Variants in SLC16A7 observed in about 807,000 individuals in gnomAD.
SLC16A7 encodes the protein solute carrier family 16 member 7.
A neutral mutation model predicts 34.9 loss-of-function variants in SLC16A7; 33 were observed. That is an observed-to-expected ratio of 0.94 (90% confidence interval 0.72 to 1.26). SLC16A7 has a LOEUF of 1.26. Ranked by LOEUF, SLC16A7 falls within the 50% of genes most tolerant of loss-of-function variation. SLC16A7 has a pLI of 0.00. For synonymous variants in SLC16A7, 201 were observed against 206.6 expected (o/e 0.97, Z 0.23); for missense variants, 573 against 578.1 (o/e 0.99, Z 0.09).
In SLC16A7 at chr12:59,785,040, C is replaced by T. The variant is rs1396188256; in HGVS notation, c.*5361C>T. Reference sequence around the variant, plus strand: ...TTAATATTACAAACTTGACTTTACTCATCTCTCTTTAAGATTTTGATTTCT... The same window carrying T: ...TTAATATTACAAACTTGACTTTACTTATCTCTCTTTAAGATTTTGATTTCT... On this transcript the variant is annotated 3_prime_UTR_variant, in exon 6 of 6. Coordinates refer to ENST00000547379, the MANE Select transcript of SLC16A7 (RefSeq NM_001270623.2). 1 of 152,168 alleles carries T rather than the reference C, an allele frequency of 6.6e-6. No homozygotes were observed. Among genetic ancestry groups the T allele is most frequent in the Non-Finnish European group, 1.5e-5 (1 of 68,028 alleles). 9.4% of individuals were successfully genotyped at this position (152,168 alleles called of 1,614,324 possible).
intron 1 of SLC16A7, among the ~76,000 whole-genome samples, chr12:59,643,923 A>G (rs1448464143): frequency 2.0e-5 from 3 of 152,294 alleles, no homozygotes; most frequent in Non-Finnish European, 2.9e-5. Flanking sequence ...TCAATGACCT[A>G]CATCAGTTCA....
chr12:59,767,701 T>G (rs930298436), intron 3 of SLC16A7, among the ~76,000 whole-genome samples: 1 of 152,110 alleles, frequency 6.6e-6, no homozygotes, highest in African/African-American at 2.4e-5. Context: ...TTATTGACAA[T>G]GCACCTGGGT....
intron 1 of SLC16A7, among the ~76,000 whole-genome samples, chr12:59,641,960 A>G (rs1880706271): frequency 6.6e-6 from 1 of 152,010 alleles, no homozygotes; most frequent in Non-Finnish European, 1.5e-5. Flanking sequence ...GTGCCCTAAA[A>G]CACTGAGTAG....
chr12:59,716,247 C>T (rs75693952), intron 3 of SLC16A7, among the ~76,000 whole-genome samples: 1,828 of 152,180 alleles, frequency 0.012, 18 homozygotes, highest in Middle Eastern at 0.031. Flanking sequence ...ATTGGATTAG[C>T]GGCAGCCTGT....
chr12:59,610,926 A>AT lies in SLC16A7; in HGVS notation c.-130+14699dup, dbSNP rs201422585. ...AGACTGAGTGCTTATAAACAACACA[A>AT]TTTTTTTTTCACAGTTCTGGAGGCT... On this transcript the variant is annotated intron_variant, in intron 1 of 5. Coordinates refer to ENST00000547379, the MANE Select transcript of SLC16A7 (RefSeq NM_001270623.2). Among the ~76,000 whole-genome samples, 264 of 151,712 alleles carry AT rather than the reference A, an allele frequency of 1.7e-3. 1 individual carries two copies. Among genetic ancestry groups the AT allele is most frequent in the African/African-American group, 6.1e-3 (254 of 41,338 alleles).
At chr12:59,759,398 A>T (rs1005229251) in intron 3 of SLC16A7, among the ~76,000 whole-genome samples, 4 of 151,972 alleles carry the variant, frequency 2.6e-5, no homozygotes, top group Admixed American at 2.6e-4. Context: ...TTTTTCTTAA[A>T]ACCTCTTGAC....
intron 2 of SLC16A7, among the ~76,000 whole-genome samples, chr12:59,669,472 A>G (rs1257263848): frequency 1.3e-5 from 2 of 152,174 alleles, no homozygotes; most frequent in Admixed American, 1.3e-4. Context: ...ATTAATAACT[A>G]AGTGCTGGTC....
chr12:59,764,523 C>T (rs1459519925), intron 3 of SLC16A7, among the ~76,000 whole-genome samples: 1 of 148,532 alleles, frequency 6.7e-6, no homozygotes, highest in Non-Finnish European at 1.5e-5. Context: ...TGATGTTCCC[C>T]TTCCTGTGTC....
At chr12:59,638,445 T>A (rs2088948648) in intron 1 of SLC16A7, among the ~76,000 whole-genome samples, 1 of 152,158 alleles carries the variant, frequency 6.6e-6, no homozygotes, top group African/African-American at 2.4e-5. Flanking sequence ...GAAGAAAATT[T>A]GATTTTTAGA....
intron 3 of SLC16A7, among the ~76,000 whole-genome samples, chr12:59,730,646 G>A (rs1472124813): frequency 3.3e-5 from 5 of 152,106 alleles, no homozygotes; most frequent in Non-Finnish European, 7.4e-5. Flanking sequence ...TTTTATCTGA[G>A]TATCTATGCA....
rs1461952972 is a variant in SLC16A7 at position 59,783,422 on chromosome 12, A to C, written c.*3743A>C. The C allele has an allele frequency of 6.6e-6, 1 of 152,168 alleles. No homozygotes were observed. The highest frequency in any genetic ancestry group is 2.4e-5 in the African/African-American group (1 of 41,458). 9.4% of individuals were successfully genotyped at this position (152,168 alleles called of 1,614,324 possible). A position where few individuals can be genotyped will look rare whatever the true frequency, so the allele number is the denominator to read the frequency against. ...CCAAAGTTAAAAGGTAGTATGAACCAAAATTAAAACTCAGGTTTACGTAAC... is the reference window on the plus strand; with the variant it reads ...CCAAAGTTAAAAGGTAGTATGAACCCAAATTAAAACTCAGGTTTACGTAAC... On this transcript the variant is annotated 3_prime_UTR_variant, in exon 6 of 6. Transcript: ENST00000547379.
chr12:59,735,992 A>T lies in SLC16A7; in HGVS notation c.217+30974A>T, dbSNP rs12300147. ...AAGAGATCACCATCTACTTGAGGTA[A>T]CAAGATTTTGGTAGAAACATTATTT... On this transcript the variant is annotated intron_variant, in intron 3 of 5. Transcript: ENST00000547379. 4.3e-3 allele frequency: 4,089 copies of T among 950,570 alleles called. 108 individuals carry two copies. The African/African-American group carries it at 0.061, about 14-fold the overall frequency. The allele number at this position is 950,570 out of a possible 1,614,324, so 58.9% of individuals were successfully genotyped here. A position where few individuals can be genotyped will look rare whatever the true frequency, so the allele number is the denominator to read the frequency against.
chr12:59,680,351 A>C (rs1260315642), intron 2 of SLC16A7, among the ~76,000 whole-genome samples: 1 of 152,326 alleles, frequency 6.6e-6, no homozygotes, highest in Non-Finnish European at 1.5e-5. Flanking sequence ...CCAGATTTGA[A>C]AAATAACCTT....
chr12:59,647,251 A>G (rs1228436562), intron 1 of SLC16A7, among the ~76,000 whole-genome samples: 2 of 152,036 alleles, frequency 1.3e-5, no homozygotes, highest in Non-Finnish European at 2.9e-5. Flanking sequence ...CATAATCCCC[A>G]TGTATCATGG....
At chr12:59,671,017 A>G (rs928262001) in intron 2 of SLC16A7, among the ~76,000 whole-genome samples, 1 of 151,558 alleles carries the variant, frequency 6.6e-6, no homozygotes, top group Non-Finnish European at 1.5e-5. Context: ...AATAATTTCA[A>G]AAACACTTGT....
intron 1 of SLC16A7, among the ~76,000 whole-genome samples, chr12:59,604,792 A>C (rs1878856628): frequency 6.6e-6 from 1 of 152,190 alleles, no homozygotes; most frequent in Non-Finnish European, 1.5e-5. Context: ...TATTAATTTC[A>C]AGTATTTCAT....
chr12:59,612,375 A>T (rs1032977075), intron 1 of SLC16A7, among the ~76,000 whole-genome samples: 1 of 152,138 alleles, frequency 6.6e-6, no homozygotes, highest in African/African-American at 2.4e-5. Flanking sequence ...CAACTGACAC[A>T]CAGGGTACCA....
intron 3 of SLC16A7, among the ~76,000 whole-genome samples, chr12:59,757,920 G>A (rs374211558): frequency 5.2e-4 from 79 of 152,156 alleles, no homozygotes; most frequent in African/African-American, 1.2e-3. Context: ...CAAAATGTGC[G>A]TTAATCTATT....
At chr12:59,720,750 T>C (rs1875483093) in intron 3 of SLC16A7, among the ~76,000 whole-genome samples, 1 of 152,090 alleles carries the variant, frequency 6.6e-6, no homozygotes, top group South Asian at 2.1e-4. Flanking sequence ...TCAATCACCA[T>C]GTCGTATCTT....
Sources: allele counts gnomAD v4.1 joint callset (sites outside exome capture counted in the v4.1 genomes callset), GRCh38; gene constraint gnomAD v4.1.1; transcripts MANE v1.5; gene names NCBI Gene and HGNC (gene_info 2026-07-23, HGNC 2026-07-21).